RPN2: variants seen among roughly 807,000 people sequenced by gnomAD.
The protein encoded by RPN2 is dolichyl-diphosphooligosaccharide--protein glycosyltransferase subunit 2.
RPN2 carries 29 observed loss-of-function variants against 71.4 expected under a neutral mutation model. That is an observed-to-expected ratio of 0.41 (90% CI 0.30 to 0.55). The LOEUF is 0.55. Ranked by LOEUF, RPN2 falls within the 20% of genes least tolerant of loss-of-function variation. The probability of loss-of-function intolerance (pLI) is 0.35; values close to 1 mark genes in which losing one functional copy is unlikely to be tolerated. For missense variants in RPN2, 726 were observed against 774.1 expected, an observed-to-expected ratio of 0.94 and a Z score of 0.74; for synonymous variants, 308 against 305.0, an observed-to-expected ratio of 1.01 and a Z score of -0.10.
At chr20:37,224,289 A>T (rs2068026807) in intron 10 of RPN2, among the ~76,000 whole-genome samples, 1 of 152,224 alleles carries the variant, frequency 6.6e-6, no homozygotes, top group African/African-American at 2.4e-5. Context: ...TTTAGTTCAG[A>T]TGATAATTTT....
At position 37,212,998 on chromosome 20, in the gene RPN2, AT is replaced by A. The variant is rs533828132; in HGVS notation, c.987-761del. ...TTCTCTACCTTTTTTTCCCTTTAAA[AT>A]AAAAATAAATATTTTTAATAAAAGT... On this transcript the variant is annotated intron_variant, in intron 8 of 16. Coordinates refer to ENST00000237530, the MANE Select transcript of RPN2 (RefSeq NM_002951.5). Among the ~76,000 whole-genome samples the A allele has an allele frequency of 7.2e-5, 11 of 152,278 alleles. No homozygotes were observed. In the South Asian group the frequency reaches 1.9e-3, roughly 26 times the overall value.
At chr20:37,198,781 T>G (rs2067314001) in intron 3 of RPN2, among the ~76,000 whole-genome samples, 1 of 152,196 alleles carries the variant, frequency 6.6e-6, no homozygotes, top group Non-Finnish European at 1.5e-5. Flanking sequence ...ATGTTCAAAG[T>G]GTACCCCCAC....
Position 37,241,353 on chromosome 20 carries a change from CAAGAA to C in RPN2, c.*42_*46del, listed in dbSNP as rs754506386. The C allele has an allele frequency of 1.2e-6, 2 of 1,605,874 alleles. No individual in the cohort carries two copies. Among genetic ancestry groups the C allele is most frequent in the Non-Finnish European group, 1.7e-6 (2 of 1,175,174 alleles). ...GATGGAAATTCTGAAAACTGAATGT[CAAGAA>C]AAGGAGTCAAGAACAATTCACAGTA... On this transcript the variant is annotated 3_prime_UTR_variant, in exon 17 of 17. Transcript: ENST00000237530.
chr20:37,233,434 A>G (rs1429362653), intron 14 of RPN2, among the ~76,000 whole-genome samples: 4 of 152,322 alleles, frequency 2.6e-5, no homozygotes, highest in Non-Finnish European at 5.9e-5. Context: ...GAAAACACTC[A>G]TTAGATCTTA....
At chr20:37,199,848 T>G (rs1322302271) in intron 4 of RPN2, among the ~76,000 whole-genome samples, 1 of 152,162 alleles carries the variant, frequency 6.6e-6, no homozygotes. Context: ...TTTTTATTTA[T>G]TTAGAGACAG....
intron 2 of RPN2, among the ~76,000 whole-genome samples, chr20:37,193,480 A>G (rs540539719): frequency 2.0e-5 from 3 of 152,308 alleles, no homozygotes; most frequent in South Asian, 2.1e-4. Context: ...GGGCCAAGCC[A>G]TAGTGCCTTG....
At chr20:37,188,271 C>T (rs147961074) in intron 2 of RPN2, among the ~76,000 whole-genome samples, 1,870 of 151,830 alleles carry the variant, frequency 0.012, 35 homozygotes, top group African/African-American at 0.043. Context: ...TGGGTTCAAG[C>T]GATTCCCCTG....
intron 9 of RPN2, among the ~76,000 whole-genome samples, chr20:37,219,768 T>C (rs755591978): frequency 7.2e-5 from 11 of 152,244 alleles, no homozygotes; most frequent in Non-Finnish European, 1.0e-4. Flanking sequence ...GGGGGTCCAG[T>C]CTTCTTTTGC....
At chr20:37,236,428 C>T in intron 15 of RPN2, 152 bp from the exon 16 acceptor site, 1 of 806,448 alleles carries the variant, frequency 1.2e-6, no homozygotes, top group Non-Finnish European at 2.1e-6. Context: ...ATTGAGTTAG[C>T]TACTTTTTGG....
intron 16 of RPN2, among the ~76,000 whole-genome samples, chr20:37,239,057 A>G (rs915102950): frequency 6.6e-6 from 1 of 152,212 alleles, no homozygotes; most frequent in African/African-American, 2.4e-5. Context: ...CCTTCTGCAT[A>G]TCAGTCCTAG....
Position 37,229,990 on chromosome 20 carries a change from G to C in RPN2, c.1512G>C (p.Lys504Asn), listed in dbSNP as rs2146686933. ...TTTTCTAGGCTGATGTGGTCATCAA[G>C]TTCCCTGAGGAAGAAGCTCCCTCGA... is the stretch of plus-strand genomic sequence containing the variant. Reference protein sequence around the residue: ...ILWNVADVVIKFPEEEAPSTV... With the variant: ...ILWNVADVVINFPEEEAPSTV... Residue 504 changes from lysine to asparagine, a missense_variant, in exon 13 of 17, where the codon AAG (lysine) becomes AAC (asparagine). Coordinates refer to ENST00000237530, the MANE Select transcript of RPN2 (RefSeq NM_002951.5). 1 of 1,614,130 alleles carries C rather than the reference G, an allele frequency of 6.2e-7. No individual in the cohort carries two copies. The highest frequency in any genetic ancestry group is 1.1e-5 in the South Asian group (1 of 91,088).
In RPN2 at chr20:37,179,449, C is replaced by T. The variant is rs529171256; in HGVS notation, c.13+80C>T. On this transcript the variant is annotated intron_variant, in intron 1 of 16. Coordinates refer to ENST00000237530, the MANE Select transcript of RPN2 (RefSeq NM_002951.5). ...AGTCGCCGCTCGAGAGCCGGCCAGG[C>T]GGGATCCCCTTCCCCTGCGGGACAG... The T allele has an allele frequency of 2.7e-4, 383 of 1,395,348 alleles. 3 individuals carry two copies. In the South Asian group the frequency reaches 2.9e-3, roughly 11 times the overall value. 86.4% of individuals were successfully genotyped at this position (1,395,348 alleles called of 1,614,324 possible). A position where few individuals can be genotyped will look rare whatever the true frequency, so the allele number is the denominator to read the frequency against.
intron 16 of RPN2, among the ~76,000 whole-genome samples, chr20:37,237,315 G>A (rs956240180): frequency 6.6e-6 from 1 of 152,156 alleles, no homozygotes; most frequent in East Asian, 1.9e-4. Context: ...AAACAGAATT[G>A]GAGGCAAATT....
At chr20:37,223,694 C>T (rs901920073) in intron 9 of RPN2, among the ~76,000 whole-genome samples, 184 bp from the exon 10 acceptor site, 2 of 148,986 alleles carry the variant, frequency 1.3e-5, no homozygotes, top group African/African-American at 5.0e-5. Flanking sequence ...TTTTAGGCCT[C>T]GGAATGGGAG....
In RPN2 at chr20:37,184,388, G is replaced by A; in HGVS notation, c.207+15G>A. The A allele has an allele frequency of 6.2e-7, 1 of 1,611,656 alleles. No homozygotes were observed. ...CAGATGCAAAGGTAAGGCTGCTTTT[G>A]TCCTGGTGGTCAGGGTGGTTCAGGA... On this transcript the variant is annotated intron_variant, in intron 2 of 16. Coordinates refer to ENST00000237530, the MANE Select transcript of RPN2 (RefSeq NM_002951.5).
At chr20:37,208,546 TTTAATTCTCAA>T (rs141335995) in intron 7 of RPN2, among the ~76,000 whole-genome samples, 2 of 152,338 alleles carry the variant, frequency 1.3e-5, no homozygotes, top group Non-Finnish European at 2.9e-5. Context: ...CGACAGCTGT[TTTAATTCTCAA>T]TTAATTCTGG....
intron 3 of RPN2, among the ~76,000 whole-genome samples, chr20:37,198,730 G>T (rs763401328): frequency 2.6e-5 from 4 of 151,804 alleles, no homozygotes; most frequent in Non-Finnish European, 5.9e-5. Flanking sequence ...CTTCTGGTAG[G>T]TCTTGATTTT....
At chr20:37,213,184 T>C (rs891581299) in intron 8 of RPN2, among the ~76,000 whole-genome samples, 3 of 152,346 alleles carry the variant, frequency 2.0e-5, no homozygotes, top group African/African-American at 7.2e-5. Flanking sequence ...TGGGATCACA[T>C]TGTAAACTTC....
chr20:37,233,287 A>G (rs6104171), intron 14 of RPN2, among the ~76,000 whole-genome samples: 5,066 of 152,136 alleles, frequency 0.033, 279 homozygotes, highest in African/African-American at 0.11. Flanking sequence ...CATTCTGGAG[A>G]ATGTAGAGGA....
Sources: allele counts gnomAD v4.1 joint callset (sites outside exome capture counted in the v4.1 genomes callset), GRCh38; gene constraint gnomAD v4.1.1; transcripts MANE v1.5; gene names NCBI Gene and HGNC (gene_info 2026-07-23, HGNC 2026-07-21).